The following CDK3 variants were observed in gnomAD, a reference collection of about 807,000 sequenced individuals.
CDK3 encodes the protein cyclin-dependent kinase 3.
CDK3 carries 24 observed loss-of-function variants against 30.2 expected under a neutral mutation model. The observed-to-expected ratio is 0.79, with a 90% CI of 0.57 to 1.12. The LOEUF (loss-of-function observed/expected upper bound fraction) is 1.12, where lower values mean the gene tolerates loss of function less well. Among genes scored for constraint, CDK3 ranks in the 50% most tolerant of loss-of-function variants. CDK3 has a pLI of 0.00. For synonymous variants in CDK3, 158 were observed against 154.2 expected, an observed-to-expected ratio of 1.02 and a Z score of -0.18; for missense variants, 345 against 376.0, an observed-to-expected ratio of 0.92 and a Z score of 0.68.
At position 76,001,153 on chromosome 17, in the gene CDK3, G is replaced by T; in HGVS notation, c.-15+186G>T. The T allele has an allele frequency of 3.8e-6, 5 of 1,309,368 alleles. No individual in the cohort carries two copies. Among genetic ancestry groups the T allele is most frequent in the Non-Finnish European group, 4.9e-6 (5 of 1,020,796 alleles). 81.1% of individuals were successfully genotyped at this position (1,309,368 alleles called of 1,614,324 possible). On this transcript the variant is annotated intron_variant, in intron 1 of 7. Transcript: ENST00000448471. This position sits in a 1 kb window ranked among gnomAD's most constrained non-coding sequence, Gnocchi z 6.2. The stretch of plus-strand genomic sequence containing the variant: ...GCCGGGCATGGGCGAGAAGCCTGGG[G>T]GTCCTGGCTGAACTGGGCTGGGTGA...
At position 76,001,167 on chromosome 17, in the gene CDK3, T is replaced by G; in HGVS notation, c.-15+200T>G. 1 of 1,331,424 alleles carries G rather than the reference T, an allele frequency of 7.5e-7. No homozygotes were observed. The highest frequency in any genetic ancestry group is 3.2e-5 in the Admixed American group (1 of 31,308). The allele number at this position is 1,331,424 out of a possible 1,614,324, so 82.5% of individuals were successfully genotyped here. ...AGAAGCCTGGGGGTCCTGGCTGAAC[T>G]GGGCTGGGTGAAGGGGGCCCCCTGA... On this transcript the variant is annotated intron_variant, in intron 1 of 7. Coordinates refer to ENST00000448471, the MANE Select transcript of CDK3 (RefSeq NM_001258.4). The surrounding 1 kb of genome is among the most constrained non-coding windows in gnomAD (Gnocchi z 6.2).
rs745464671 is a variant in CDK3, at chr17:76,002,483, T to C, written c.487-28T>C. The C allele has an allele frequency of 5.8e-6, 9 of 1,559,862 alleles. No homozygotes were observed. The highest frequency in any genetic ancestry group is 7.1e-6 in the Non-Finnish European group (8 of 1,131,024). On this transcript the variant is annotated intron_variant, in intron 5 of 7. Coordinates refer to ENST00000448471, the MANE Select transcript of CDK3 (RefSeq NM_001258.4). This position sits in a 1 kb window ranked among gnomAD's most constrained non-coding sequence, Gnocchi z 4.3. ...GTGTCACCCATGCACTCAGCCACCC[T>C]GAGTGATACTGTTTCTTTGCCCTGC...
Position 76,005,320 on chromosome 17 carries a change from G to A in CDK3, c.815G>A (p.Ser272Asn). 1.9e-6 allele frequency: 3 copies of A among 1,614,050 alleles called. No homozygotes were observed. The South Asian group carries it at 3.3e-5, about 18-fold the overall frequency. Residue 272 changes from serine to asparagine, a missense_variant, in exon 8 of 8, where the codon AGC becomes AAC. Coordinates refer to ENST00000448471, the MANE Select transcript of CDK3 (RefSeq NM_001258.4). The surrounding 1 kb of genome is among the most constrained non-coding windows in gnomAD (Gnocchi z 4.7). ...LLMQLLQYDP[S>N]QRITAKTALA... is the part of the protein sequence containing the mutation. ...TAGCAACTCCTGCAGTATGACCCCAGCCAGCGGATCACAGCCAAGACTGCC... is the reference window on the plus strand; with the variant it reads ...TAGCAACTCCTGCAGTATGACCCCAACCAGCGGATCACAGCCAAGACTGCC...
In CDK3 at chr17:76,002,220, T is replaced by C; in HGVS notation, c.316-28T>C. The C allele has an allele frequency of 6.2e-7, 1 of 1,612,740 alleles. No homozygotes were observed. The highest frequency in any genetic ancestry group is 8.5e-7 in the Non-Finnish European group (1 of 1,179,526). Reference sequence around the variant, plus strand: ...TGTCCACGCAGCACCTCCGCTCAGCTGGCTGCACCTCGCGCTCGTTTCTCC... The same window carrying C: ...TGTCCACGCAGCACCTCCGCTCAGCCGGCTGCACCTCGCGCTCGTTTCTCC... On this transcript the variant is annotated intron_variant, in intron 4 of 7. Coordinates refer to ENST00000448471, the MANE Select transcript of CDK3 (RefSeq NM_001258.4). The surrounding 1 kb of genome is among the most constrained non-coding windows in gnomAD (Gnocchi z 4.3).
chr17:76,001,872 A>G lies in CDK3; in HGVS notation c.117-2A>G. The G allele has an allele frequency of 6.2e-7, 1 of 1,612,402 alleles. No individual in the cohort carries two copies. ...CCACGGCTGTGCCCTTGTTTCTTGC[A>G]GGGAGATGGAGGGGGTCCCAAGCAC... On this transcript the variant is annotated splice_acceptor_variant, in intron 2 of 7. Coordinates refer to ENST00000448471, the MANE Select transcript of CDK3 (RefSeq NM_001258.4). LOFTEE classifies it high-confidence loss of function. This position sits in a 1 kb window ranked among gnomAD's most constrained non-coding sequence, Gnocchi z 6.2.
At position 76,001,493 on chromosome 17, in the gene CDK3, A is replaced by G; in HGVS notation, c.68A>G (p.Asn23Ser). ...TATGGGGTGGTGTACAAGGCCAAGA[A>G]CAGGGAGACAGGGCAGCTGGTGGCC... ...GTYGVVYKAK[N>S]RETGQLVALK... The change falls in exon 2 of 8, where the codon AAC becomes AGC. Residue 23 changes from asparagine to serine, a missense_variant. Coordinates refer to ENST00000448471, the MANE Select transcript of CDK3 (RefSeq NM_001258.4). The surrounding 1 kb of genome is among the most constrained non-coding windows in gnomAD (Gnocchi z 6.2). The G allele has an allele frequency of 6.2e-7, 1 of 1,614,090 alleles. No homozygotes were observed. The highest frequency in any genetic ancestry group is 8.5e-7 in the Non-Finnish European group (1 of 1,179,958).
At position 76,003,441 on chromosome 17, in the gene CDK3, C is replaced by G. The variant is rs570252272; in HGVS notation, c.792+43C>G. On this transcript the variant is annotated intron_variant, in intron 7 of 7. Coordinates refer to ENST00000448471, the MANE Select transcript of CDK3 (RefSeq NM_001258.4). ...CCAGCTGCTGCTCCGACTACAGTTTCCCCTCATCAGCCAGCCTCTTACATA... is the reference window on the plus strand; with the variant it reads ...CCAGCTGCTGCTCCGACTACAGTTTGCCCTCATCAGCCAGCCTCTTACATA... 15 of 1,535,454 alleles carry G rather than the reference C, an allele frequency of 9.8e-6. No homozygotes were observed. In the African/African-American group the frequency reaches 2.0e-4, roughly 21 times the overall value.
At position 76,005,365 on chromosome 17, in the gene CDK3, C is replaced by T. The variant is rs1029368917; in HGVS notation, c.860C>T (p.Ser287Leu). The change falls in exon 8 of 8, where the codon TCA becomes TTA. Residue 287 changes from serine (S) to leucine (L), a missense_variant. By Grantham distance (145) the Ser-to-Leu change is moderately radical. Coordinates refer to ENST00000448471, the MANE Select transcript of CDK3 (RefSeq NM_001258.4). The surrounding 1 kb of genome is among the most constrained non-coding windows in gnomAD (Gnocchi z 4.7). Reference protein sequence around the residue: ...AKTALAHPYFSSPEPSPAARQ... With the variant: ...AKTALAHPYFLSPEPSPAARQ... ...ACTGCCCTGGCCCACCCGTACTTCT[C>T]ATCCCCTGAGCCCTCCCCAGCTGCC... The T allele has an allele frequency of 2.5e-6, 4 of 1,614,192 alleles. No individual in the cohort carries two copies. Among genetic ancestry groups the T allele is most frequent in the Middle Eastern group, 1.6e-4 (1 of 6,062 alleles).
In CDK3 at chr17:76,001,092, G is replaced by A. The variant is rs2066253957; in HGVS notation, c.-15+125G>A. The A allele has an allele frequency of 8.4e-7, 1 of 1,196,798 alleles. No homozygotes were observed. Among genetic ancestry groups the A allele is most frequent in the African/African-American group, 1.6e-5 (1 of 62,770 alleles). The allele number at this position is 1,196,798 out of a possible 1,614,324, so 74.1% of individuals were successfully genotyped here. Reference sequence around the variant, plus strand: ...GGGGGTTCTGGCTGGGATGGGCAGGGGGCTGGGTGGGAGAGTGTGGGCCCT... The same window carrying A: ...GGGGGTTCTGGCTGGGATGGGCAGGAGGCTGGGTGGGAGAGTGTGGGCCCT... On this transcript the variant is annotated intron_variant, in intron 1 of 7. Coordinates refer to ENST00000448471, the MANE Select transcript of CDK3 (RefSeq NM_001258.4). This position sits in a 1 kb window ranked among gnomAD's most constrained non-coding sequence, Gnocchi z 6.2.
Position 76,001,890 on chromosome 17 carries a change from C to A in CDK3, c.133C>A (p.Pro45Thr). ...IRLDLEMEGV[P>T]STAIREISLL... ...TTCTTGCAGGGAGATGGAGGGGGTC[C>A]CAAGCACTGCCATCAGGGAGATCTC... The change falls in exon 3 of 8, where the codon CCA becomes ACA. Residue 45 changes from proline to threonine, a missense_variant. Coordinates refer to ENST00000448471, the MANE Select transcript of CDK3 (RefSeq NM_001258.4). The surrounding 1 kb of genome is among the most constrained non-coding windows in gnomAD (Gnocchi z 6.2). 2 of 1,613,386 alleles carry A rather than the reference C, an allele frequency of 1.2e-6. No individual in the cohort carries two copies. Among genetic ancestry groups the A allele is most frequent in the Non-Finnish European group, 1.7e-6 (2 of 1,179,464 alleles).
Position 76,003,345 on chromosome 17 carries a change from G to A in CDK3, c.739G>A (p.Gly247Arg). 1 of 1,614,068 alleles carries A rather than the reference G, an allele frequency of 6.2e-7. No homozygotes were observed. Among genetic ancestry groups the A allele is most frequent in the Non-Finnish European group, 8.5e-7 (1 of 1,179,984 alleles). Residue 247 changes from glycine to arginine, a missense_variant, in exon 7 of 8, where the codon GGA becomes AGA. By Grantham distance (125) the Gly-to-Arg change is moderately radical. Transcript: ENST00000448471. ...KGSFPKWTRK[G>R]LEEIVPNLEP... is the part of the protein sequence containing the mutation. Reference sequence around the variant, plus strand: ...CAGCTTCCCTAAGTGGACCAGGAAGGGACTGGAAGAGATTGTGCCCAATCT... The same window carrying A: ...CAGCTTCCCTAAGTGGACCAGGAAGAGACTGGAAGAGATTGTGCCCAATCT...
Position 76,005,635 on chromosome 17 carries a change from G to A in CDK3, c.*212G>A. ...TGGACGGTGCCGTTTCAAAATAGAG[G>A]CACAGATGCTCCATGCACGAGGGGT... is the stretch of plus-strand genomic sequence containing the variant. On this transcript the variant is annotated 3_prime_UTR_variant, in exon 8 of 8. Coordinates refer to ENST00000448471, the MANE Select transcript of CDK3 (RefSeq NM_001258.4). The surrounding 1 kb of genome is among the most constrained non-coding windows in gnomAD (Gnocchi z 4.7). The A allele has an allele frequency of 1.8e-6, 1 of 556,134 alleles. No homozygotes were observed. Among genetic ancestry groups the A allele is most frequent in the Non-Finnish European group, 3.1e-6 (1 of 323,198 alleles). 34.4% of individuals were successfully genotyped at this position (556,134 alleles called of 1,614,324 possible).
At position 76,002,460 on chromosome 17, in the gene CDK3, G is replaced by A. The variant is rs778127690; in HGVS notation, c.486+42G>A. 2 of 1,607,394 alleles carry A rather than the reference G, an allele frequency of 1.2e-6. No individual in the cohort carries two copies. Among genetic ancestry groups the A allele is most frequent in the East Asian group, 4.5e-5 (2 of 44,864 alleles). On this transcript the variant is annotated intron_variant, in intron 5 of 7. Coordinates refer to ENST00000448471, the MANE Select transcript of CDK3 (RefSeq NM_001258.4). The surrounding 1 kb of genome is among the most constrained non-coding windows in gnomAD (Gnocchi z 4.3). ...AGGAGAGAGGGGCAGCAGGAGGAGT[G>A]TCACCCATGCACTCAGCCACCCTGA...
Position 76,005,148 on chromosome 17 carries a change from TG to T in CDK3, c.793-148del. 1.1e-6 allele frequency: 1 copy of T among 918,840 alleles called. No homozygotes were observed. Among genetic ancestry groups the T allele is most frequent in the Non-Finnish European group, 1.6e-6 (1 of 620,792 alleles). 56.9% of individuals were successfully genotyped at this position (918,840 alleles called of 1,614,324 possible). ...GATTCCAGGAGTGTCCGGAACTGGC[TG>T]GAGAGCTGGGAGGTCATGGCTTCAT... On this transcript the variant is annotated intron_variant, in intron 7 of 7. Transcript: ENST00000448471. The surrounding 1 kb of genome is among the most constrained non-coding windows in gnomAD (Gnocchi z 4.7).
rs1326364567 is a variant in CDK3, at chr17:76,001,740, G to A, written c.117-134G>A. 9.3e-6 allele frequency: 9 copies of A among 963,008 alleles called. No homozygotes were observed. Among genetic ancestry groups the A allele is most frequent in the South Asian group, 1.7e-5 (1 of 59,532 alleles). 59.7% of individuals were successfully genotyped at this position (963,008 alleles called of 1,614,324 possible). A position where few individuals can be genotyped will look rare whatever the true frequency, so the allele number is the denominator to read the frequency against. ...CTGACTGTGGAGTTTGGTGGATGAC[G>A]TGCCAAGGAGCACAGGTCTCCATTG... On this transcript the variant is annotated intron_variant, in intron 2 of 7. Transcript: ENST00000448471. The surrounding 1 kb of genome is among the most constrained non-coding windows in gnomAD (Gnocchi z 6.2).
chr17:76,004,873 TTCCACA>T (rs2066297534), intron 7 of CDK3, among the ~76,000 whole-genome samples: 1 of 152,196 alleles, frequency 6.6e-6, no homozygotes, highest in Non-Finnish European at 1.5e-5. Flanking sequence ...CAGGGGGTCC[TTCCACA>T]TCCTGTCTGG....
chr17:76,001,071 G>T lies in CDK3; in HGVS notation c.-15+104G>T. On this transcript the variant is annotated intron_variant, in intron 1 of 7. Coordinates refer to ENST00000448471, the MANE Select transcript of CDK3 (RefSeq NM_001258.4). This position sits in a 1 kb window ranked among gnomAD's most constrained non-coding sequence, Gnocchi z 6.2. The stretch of plus-strand genomic sequence containing the variant: ...AGGGGTGGTCTCTGACTTCCTGGGG[G>T]TTCTGGCTGGGATGGGCAGGGGGCT... 1 of 1,162,830 alleles carries T rather than the reference G, an allele frequency of 8.6e-7. No individual in the cohort carries two copies. The allele number at this position is 1,162,830 out of a possible 1,614,324, so 72.0% of individuals were successfully genotyped here.
In CDK3 at chr17:76,005,447, C is replaced by A. The variant is rs1285965991; in HGVS notation, c.*24C>A. ...GAGAATGTCAAGGCCACACTCAGATCCTTTCTCGAGCAGCTGCTGCCCCAG... is the reference window on the plus strand; with the variant it reads ...GAGAATGTCAAGGCCACACTCAGATACTTTCTCGAGCAGCTGCTGCCCCAG... On this transcript the variant is annotated 3_prime_UTR_variant, in exon 8 of 8. Coordinates refer to ENST00000448471, the MANE Select transcript of CDK3 (RefSeq NM_001258.4). The surrounding 1 kb of genome is among the most constrained non-coding windows in gnomAD (Gnocchi z 4.7). 2.5e-6 allele frequency: 4 copies of A among 1,602,110 alleles called. No homozygotes were observed. Among genetic ancestry groups the A allele is most frequent in the Non-Finnish European group, 2.6e-6 (3 of 1,171,324 alleles).
chr17:76,005,404 T>C lies in CDK3; in HGVS notation c.899T>C (p.Leu300Pro). The change falls in exon 8 of 8, where the codon CTG becomes CCG. Residue 300 changes from leucine to proline, a missense_variant. Transcript: ENST00000448471. The surrounding 1 kb of genome is among the most constrained non-coding windows in gnomAD (Gnocchi z 4.7). ...TCCCCAGCTGCCCGCCAGTATGTGC[T>C]GCAGCGATTCCGCCATTGAGAATGT... ...EPSPAARQYV[L>P]QRFRH is the part of the protein sequence containing the mutation. 3 of 1,613,760 alleles carry C rather than the reference T, an allele frequency of 1.9e-6. 1 individual carries two copies. In the South Asian group the frequency reaches 3.3e-5, roughly 18 times the overall value.
Sources: allele counts gnomAD v4.1 joint callset (sites outside exome capture counted in the v4.1 genomes callset), GRCh38; gene constraint gnomAD v4.1.1; non-coding constraint Gnocchi (gnomAD v3.1); transcripts MANE v1.5; gene names NCBI Gene and HGNC (gene_info 2026-07-23, HGNC 2026-07-21).